Variants in FSTL5 observed in about 807,000 individuals in gnomAD.
The protein encoded by FSTL5 is follistatin like 5.
Under a neutral mutation model 89.1 loss-of-function variants are expected in FSTL5, and 62 were observed. That is an observed-to-expected ratio of 0.70 (90% CI 0.57 to 0.86). The LOEUF (loss-of-function observed/expected upper bound fraction) is 0.86. FSTL5 is among the 40% of genes least tolerant of loss of function. The pLI, the probability that FSTL5 is intolerant of heterozygous loss-of-function variation, is 0.00. For missense variants in FSTL5, 1,057 were observed against 1,001.6 expected (o/e 1.06, Z -0.75); for synonymous variants, 383 against 346.2 (o/e 1.11, Z -1.18).
Position 161,385,550 on chromosome 4 carries a change from G to A in FSTL5, c.*197C>T. On this transcript the variant is annotated 3_prime_UTR_variant, in exon 16 of 16. Transcript: ENST00000306100. ...GATTTCTCATTAAATATTGTGCTGA[G>A]TATTTCTAATTAACCAATATAATTA... is the stretch of plus-strand genomic sequence containing the variant. 1 of 518,216 alleles carries A rather than the reference G, an allele frequency of 1.9e-6. No individual in the cohort carries two copies. The highest frequency in any genetic ancestry group is 3.4e-6 in the Non-Finnish European group (1 of 296,638). The allele number at this position is 518,216 out of a possible 1,614,324, so 32.1% of individuals were successfully genotyped here. A position where few individuals can be genotyped will look rare whatever the true frequency, so the allele number is the denominator to read the frequency against.
chr4:161,561,881 T>C (rs1732614150), intron 8 of FSTL5, among the ~76,000 whole-genome samples: 1 of 152,004 alleles, frequency 6.6e-6, no homozygotes, highest in African/African-American at 2.4e-5. Flanking sequence ...CTATGTAACC[T>C]TGTAGCCCAC....
intron 8 of FSTL5, among the ~76,000 whole-genome samples, chr4:161,550,731 C>T (rs920895848): frequency 6.6e-6 from 1 of 151,946 alleles, no homozygotes; most frequent in Admixed American, 6.6e-5. Context: ...TATCCCTCCC[C>T]CATCCCCGCA....
intron 4 of FSTL5, among the ~76,000 whole-genome samples, chr4:161,776,862 T>C (rs1366599071): frequency 1.3e-5 from 2 of 152,048 alleles, no homozygotes; most frequent in Admixed American, 6.6e-5. Flanking sequence ...TATGGTTTCT[T>C]TAGGTTAGGG....
intron 13 of FSTL5, among the ~76,000 whole-genome samples, chr4:161,477,466 C>A (rs528006583): frequency 6.7e-6 from 1 of 150,254 alleles, no homozygotes; most frequent in African/African-American, 2.4e-5. Context: ...AATTATTATT[C>A]ATTTTGACCA....
chr4:162,140,102 GGCATTTTTT>G (rs1278993346), intron 1 of FSTL5, among the ~76,000 whole-genome samples: 1 of 151,884 alleles, frequency 6.6e-6, no homozygotes, highest in Non-Finnish European at 1.5e-5. Flanking sequence ...CTAACCAGTT[GGCATTTTTT>G]TTCAAAAAGC....
At chr4:161,842,507 G>T (rs1731242950) in intron 4 of FSTL5, among the ~76,000 whole-genome samples, 1 of 151,906 alleles carries the variant, frequency 6.6e-6, no homozygotes, top group South Asian at 2.1e-4. Flanking sequence ...TTTATTTCAA[G>T]TCTATCATCT....
chr4:161,463,334 TA>T (rs1241563327), intron 13 of FSTL5, among the ~76,000 whole-genome samples: 3 of 152,006 alleles, frequency 2.0e-5, no homozygotes, highest in African/African-American at 7.2e-5. Flanking sequence ...CAGATCAAAA[TA>T]AAAAAAGTAA....
At chr4:161,408,512 T>C (rs1185469341) in intron 15 of FSTL5, among the ~76,000 whole-genome samples, 1 of 152,172 alleles carries the variant, frequency 6.6e-6, no homozygotes, top group African/African-American at 2.4e-5. Context: ...CAATTCAAAG[T>C]CATAGTATCC....
At chr4:161,437,291 G>A (rs572768880) in intron 15 of FSTL5, among the ~76,000 whole-genome samples, 46 of 152,196 alleles carry the variant, frequency 3.0e-4, no homozygotes, top group African/African-American at 1.1e-3. Flanking sequence ...AACGGGCAGG[G>A]CGCAGTGGCT....
intron 1 of FSTL5, among the ~76,000 whole-genome samples, chr4:162,156,383 G>A (rs778110194): frequency 1.2e-4 from 19 of 152,074 alleles, no homozygotes; most frequent in Admixed American, 9.8e-4. Flanking sequence ...CCAATAATGC[G>A]ATTACTGGGT....
intron 6 of FSTL5, among the ~76,000 whole-genome samples, chr4:161,713,847 T>C (rs1443192954): frequency 6.6e-6 from 1 of 152,198 alleles, no homozygotes. Flanking sequence ...TTGTTTTACA[T>C]TTTTCCACTT....
intron 12 of FSTL5, among the ~76,000 whole-genome samples, chr4:161,481,523 C>T (rs1394975987): frequency 6.6e-6 from 1 of 152,128 alleles, no homozygotes; most frequent in African/African-American, 2.4e-5. Context: ...ATAAATGTCA[C>T]ACTAAAGTAT....
intron 5 of FSTL5, among the ~76,000 whole-genome samples, chr4:161,763,402 T>C (rs1740876377): frequency 6.6e-6 from 1 of 152,162 alleles, no homozygotes; most frequent in Admixed American, 6.5e-5. Flanking sequence ...TAGAGAGGTA[T>C]GGGTGTTAGA....
chr4:161,627,651 T>C (rs1034202966), intron 7 of FSTL5, among the ~76,000 whole-genome samples: 18 of 152,188 alleles, frequency 1.2e-4, no homozygotes, highest in Non-Finnish European at 5.9e-5. Context: ...TATTAACTTT[T>C]AATAATTCAC....
chr4:161,759,361 G>C (rs1042299117), intron 6 of FSTL5, 50 bp downstream of exon 6: 16 of 1,545,492 alleles, frequency 1.0e-5, no homozygotes, highest in Admixed American at 4.1e-5. Flanking sequence ...ATTGTGTAAA[G>C]CAACAGGAAA....
chr4:161,966,296 T>G (rs2110996746), intron 3 of FSTL5, among the ~76,000 whole-genome samples: 1 of 152,232 alleles, frequency 6.6e-6, no homozygotes, highest in African/African-American at 2.4e-5. Flanking sequence ...AGCTGTCTAT[T>G]TTCAGTTTCA....
chr4:161,763,946 C>G (rs573361828), intron 5 of FSTL5, among the ~76,000 whole-genome samples: 2 of 151,692 alleles, frequency 1.3e-5, no homozygotes, highest in Non-Finnish European at 3.0e-5. Flanking sequence ...TTGTCTCCCC[C>G]CTTTCTTCCT....
intron 6 of FSTL5, among the ~76,000 whole-genome samples, chr4:161,724,819 G>A (rs9308037): frequency 0.93 from 141,811 of 152,252 alleles, 66,381 homozygotes; most frequent in Non-Finnish European, 0.98. Flanking sequence ...TAATATAAAA[G>A]TACTCAATGC....
intron 5 of FSTL5, among the ~76,000 whole-genome samples, chr4:161,766,019 T>A (rs749371915): frequency 1.5e-4 from 23 of 152,074 alleles, no homozygotes; most frequent in Non-Finnish European, 2.9e-4. Context: ...GGTCCCGAAC[T>A]CCTTACGTCA....
Sources: gnomAD v4.1 joint callset for allele counts (sites outside exome capture counted in the v4.1 genomes callset) on GRCh38, gnomAD v4.1.1 for gene constraint, MANE v1.5 for transcripts, NCBI Gene and HGNC (gene_info 2026-07-23, HGNC 2026-07-21) for gene names.